The following EXD3 variants were observed in gnomAD, a reference collection of about 807,000 sequenced individuals.
EXD3 encodes the protein exonuclease 3'-5' domain containing 3.
Under a neutral mutation model 98.0 loss-of-function variants are expected in EXD3, and 92 were observed. That is an observed-to-expected ratio of 0.94 (90% CI 0.79 to 1.12). EXD3 has a LOEUF of 1.12. EXD3 is among the 50% of genes most tolerant of loss of function. The probability of loss-of-function intolerance (pLI) is 0.00; values close to 1 mark genes in which losing one functional copy is unlikely to be tolerated. For missense variants in EXD3, 1,222 were observed against 1,191.6 expected, an observed-to-expected ratio of 1.03 and a Z score of -0.38; for synonymous variants, 569 against 526.0, an observed-to-expected ratio of 1.08 and a Z score of -1.12.
At chr9:137,413,752 C>T (rs1188022265) in intron 1 of EXD3, among the ~76,000 whole-genome samples, 1 of 151,978 alleles carries the variant, frequency 6.6e-6, no homozygotes, top group South Asian at 2.1e-4. Flanking sequence ...ATCCACTTGC[C>T]TCAGCCCAGA....
Position 137,306,917 on chromosome 9 carries a change from C to T in EXD3, c.*33G>A, listed in dbSNP as rs372339289. ...AGTCCACGGCCATGGGCCCAGCAGTCGGGCACTTTCCATGTTTATTGTCTG... is the reference window on the plus strand; with the variant it reads ...AGTCCACGGCCATGGGCCCAGCAGTTGGGCACTTTCCATGTTTATTGTCTG... On this transcript the variant is annotated 3_prime_UTR_variant, in exon 22 of 22. Transcript: ENST00000340951. The T allele has an allele frequency of 1.1e-4, 168 of 1,530,118 alleles. No individual in the cohort carries two copies. The highest frequency in any genetic ancestry group is 1.9e-4 in the Middle Eastern group (1 of 5,392). The allele number at this position is 1,530,118 out of a possible 1,614,324, so 94.8% of individuals were successfully genotyped here. A position where few individuals can be genotyped will look rare whatever the true frequency, so the allele number is the denominator to read the frequency against.
At chr9:137,342,604 A>G (rs1433392524) in intron 17 of EXD3, among the ~76,000 whole-genome samples, 2 of 152,184 alleles carry the variant, frequency 1.3e-5, no homozygotes, top group African/African-American at 4.8e-5. Context: ...CCTAGGAGGA[A>G]AGTGATGTCC....
intron 3 of EXD3, among the ~76,000 whole-genome samples, chr9:137,381,991 T>G (rs1836303116): frequency 7.1e-6 from 1 of 140,768 alleles, no homozygotes; most frequent in African/African-American, 2.7e-5. Context: ...GCAGAGGAGG[T>G]GAGGACGCGG....
rs534758451 is a variant in EXD3 at position 137,395,919 on chromosome 9, G to T, written c.-47-515C>A. Among the ~76,000 whole-genome samples, 1 of 151,988 alleles carries T rather than the reference G, an allele frequency of 6.6e-6. No individual in the cohort carries two copies. The highest frequency in any genetic ancestry group is 2.4e-5 in the African/African-American group (1 of 41,468). Reference sequence around the variant, plus strand: ...CGGCCGCTGACAGCTCTCATCCCAGGCAGACCTCAGTCTCCCTCAGAGTGT... The same window carrying T: ...CGGCCGCTGACAGCTCTCATCCCAGTCAGACCTCAGTCTCCCTCAGAGTGT... On this transcript the variant is annotated intron_variant, in intron 1 of 21. Coordinates refer to ENST00000340951, the MANE Select transcript of EXD3 (RefSeq NM_017820.5). The surrounding 1 kb of genome is among the most constrained non-coding windows in gnomAD (Gnocchi z 6.5).
chr9:137,365,824 GCAGA>G (rs1372936800), intron 7 of EXD3: 12 of 339,474 alleles, frequency 3.5e-5, no homozygotes, highest in East Asian at 7.8e-5. Flanking sequence ...TCATATGCAC[GCAGA>G]CATACACACC....
At chr9:137,421,846 CAAAT>C (rs1043826551) in intron 1 of EXD3, among the ~76,000 whole-genome samples, 8 of 152,200 alleles carry the variant, frequency 5.3e-5, no homozygotes, top group South Asian at 4.2e-4. Context: ...TCTAAGTAAA[CAAAT>C]AAATAAAAAG....
At chr9:137,321,778 C>T (rs1035113437) in intron 19 of EXD3, among the ~76,000 whole-genome samples, 6 of 152,212 alleles carry the variant, frequency 3.9e-5, no homozygotes, top group Non-Finnish European at 5.9e-5. Context: ...AACTGCGGAA[C>T]GTTCTGGAAG....
intron 10 of EXD3, chr9:137,353,689 C>A: frequency 1.0e-6 from 1 of 985,720 alleles, no homozygotes; most frequent in African/African-American, 1.7e-5. Flanking sequence ...CAGGGCCCAG[C>A]ACAAGCGAGG....
intron 19 of EXD3, among the ~76,000 whole-genome samples, chr9:137,318,976 C>T (rs1004747730): frequency 6.6e-5 from 10 of 152,226 alleles, no homozygotes; most frequent in Admixed American, 1.3e-4. Flanking sequence ...GCACGTTGAG[C>T]GGGCTTTCCC....
At chr9:137,312,452 G>A (rs546997800) in intron 19 of EXD3, among the ~76,000 whole-genome samples, 1 of 152,212 alleles carries the variant, frequency 6.6e-6, no homozygotes, top group Non-Finnish European at 1.5e-5. Flanking sequence ...GCCCGGGACT[G>A]TGCGGGCTGG....
chr9:137,411,870 G>A (rs1039741006), intron 1 of EXD3, among the ~76,000 whole-genome samples: 5 of 152,192 alleles, frequency 3.3e-5, no homozygotes, highest in African/African-American at 7.2e-5. Flanking sequence ...ATTCTTGTCC[G>A]GGCGCCAGGT....
At chr9:137,391,039 G>A (rs747995614) in intron 2 of EXD3, among the ~76,000 whole-genome samples, 24 of 152,348 alleles carry the variant, frequency 1.6e-4, no homozygotes, top group Admixed American at 9.1e-4. Flanking sequence ...ATGGTGGGGC[G>A]GGGGTGGCCT....
intron 19 of EXD3, among the ~76,000 whole-genome samples, chr9:137,311,430 G>A (rs976591955): frequency 6.6e-6 from 1 of 152,224 alleles, no homozygotes; most frequent in Non-Finnish European, 1.5e-5. Context: ...AGTGCCAGTG[G>A]GTGTAGGAGA....
intron 19 of EXD3, among the ~76,000 whole-genome samples, chr9:137,318,650 C>T (rs1484600659): frequency 6.6e-6 from 1 of 152,178 alleles, no homozygotes; most frequent in Non-Finnish European, 1.5e-5. Flanking sequence ...CGGCCCTGCC[C>T]TCTACTTGAG....
At chr9:137,320,029 C>G (rs893735751) in intron 19 of EXD3, among the ~76,000 whole-genome samples, 2 of 152,230 alleles carry the variant, frequency 1.3e-5, no homozygotes, top group African/African-American at 4.8e-5. Flanking sequence ...CAGCCCTGCA[C>G]CAGGGGGTTC....
At chr9:137,413,326 G>A (rs552298339) in intron 1 of EXD3, among the ~76,000 whole-genome samples, 9 of 151,918 alleles carry the variant, frequency 5.9e-5, no homozygotes, top group African/African-American at 2.2e-4. Context: ...TCAGCCTCCC[G>A]AGTAGCTGGG....
At chr9:137,313,987 T>C (rs969093817) in intron 19 of EXD3, among the ~76,000 whole-genome samples, 1 of 151,992 alleles carries the variant, frequency 6.6e-6, no homozygotes, top group Non-Finnish European at 1.5e-5. Flanking sequence ...GGGTCGCCAG[T>C]GTGCCGTCCC....
intron 17 of EXD3, among the ~76,000 whole-genome samples, chr9:137,332,852 CAAAA>C (rs779638198): frequency 6.6e-5 from 10 of 152,016 alleles, no homozygotes; most frequent in Non-Finnish European, 1.5e-4. Flanking sequence ...TGTCAAAAAA[CAAAA>C]AACAAATCTG....
At chr9:137,322,064 C>T (rs899275469) in intron 19 of EXD3, among the ~76,000 whole-genome samples, 4 of 152,172 alleles carry the variant, frequency 2.6e-5, no homozygotes, top group African/African-American at 7.2e-5. Context: ...CCAGCCTCCT[C>T]TATGGATCTC....
Sources: allele counts gnomAD v4.1 joint callset (sites outside exome capture counted in the v4.1 genomes callset), GRCh38; gene constraint gnomAD v4.1.1; non-coding constraint Gnocchi (gnomAD v3.1); transcripts MANE v1.5; gene names NCBI Gene and HGNC (gene_info 2026-07-23, HGNC 2026-07-21).